The following SPIRE2 variants were observed in gnomAD, a reference collection of about 807,000 sequenced individuals.
The protein encoded by SPIRE2 is spire type actin nucleation factor 2.
Under a neutral mutation model 80.7 loss-of-function variants are expected in SPIRE2, and 76 were observed. The ratio of observed to expected loss-of-function variants is 0.94; its 90% CI spans 0.78 to 1.14. The LOEUF is 1.14. Among genes scored for constraint, SPIRE2 ranks in the 50% most tolerant of loss-of-function variants. The probability of loss-of-function intolerance (pLI) is 0.00; values close to 1 mark genes in which losing one functional copy is unlikely to be tolerated. For synonymous variants in SPIRE2, 535 were observed against 432.6 expected, an observed-to-expected ratio of 1.24 and a Z score of -2.94; for missense variants, 1,196 against 1,015.3, an observed-to-expected ratio of 1.18 and a Z score of -2.42.
At chr16:89,850,761 G>T (rs1207437128) in intron 3 of SPIRE2, 101 bp downstream of exon 3, 3 of 881,900 alleles carry the variant, frequency 3.4e-6, no homozygotes, top group Non-Finnish European at 4.9e-6. Flanking sequence ...TGGACAGAAA[G>T]TCAGGTCGTC....
At chr16:89,851,868 T>G (rs566301823) in intron 3 of SPIRE2, among the ~76,000 whole-genome samples, 1 of 152,202 alleles carries the variant, frequency 6.6e-6, no homozygotes, top group East Asian at 1.9e-4. Flanking sequence ...TTTATGGTGC[T>G]GTGTCTCTCC....
intron 8 of SPIRE2, 119 bp downstream of exon 8, chr16:89,858,626 G>GACA: frequency 1.0e-6 from 1 of 985,220 alleles, no homozygotes; most frequent in Non-Finnish European, 1.4e-6. Context: ...CTGTCCAGGA[G>GACA]CCCTCCCTTG....
chr16:89,849,125 T>C (rs1326045833), intron 2 of SPIRE2, among the ~76,000 whole-genome samples: 1 of 152,148 alleles, frequency 6.6e-6, no homozygotes, highest in Non-Finnish European at 1.5e-5. Flanking sequence ...CAGCAGTGGG[T>C]GGTGGGGAAG....
intron 12 of SPIRE2, among the ~76,000 whole-genome samples, chr16:89,866,843 T>C (rs1183787504): frequency 6.8e-6 from 1 of 147,792 alleles, no homozygotes; most frequent in East Asian, 2.1e-4. Flanking sequence ...TCTCCTGACC[T>C]CGTGATCTGC....
At chr16:89,848,954 C>T (rs2041593687) in intron 2 of SPIRE2, among the ~76,000 whole-genome samples, 2 of 141,554 alleles carry the variant, frequency 1.4e-5, no homozygotes, top group Admixed American at 6.9e-5. Flanking sequence ...AGGCAGGTTC[C>T]AGGGCCTTCT....
intron 5 of SPIRE2, 85 bp from the exon 6 acceptor site, chr16:89,855,515 T>C: frequency 8.1e-7 from 1 of 1,239,540 alleles, no homozygotes; most frequent in Non-Finnish European, 1.2e-6. Context: ...GACCAGGCTG[T>C]CCTTGGGCTG....
At chr16:89,842,926 G>A (rs188269445) in intron 1 of SPIRE2, among the ~76,000 whole-genome samples, 3 of 152,216 alleles carry the variant, frequency 2.0e-5, no homozygotes, top group Non-Finnish European at 4.4e-5. Flanking sequence ...CTTTATCTTT[G>A]GCAATCTTCC....
At position 89,869,702 on chromosome 16, in the gene SPIRE2, G is replaced by A. The variant is rs1289778361; in HGVS notation, c.1922+20G>A. The A allele has an allele frequency of 1.3e-6, 2 of 1,582,160 alleles. No individual in the cohort carries two copies. The highest frequency in any genetic ancestry group is 1.1e-5 in the South Asian group (1 of 90,386). ...CTTTCAGTGCGTTCTTCGCCTTGCT[G>A]CTGATGTCACTGTGGTGGTCGGGCG... On this transcript the variant is annotated intron_variant, in intron 14 of 14. Transcript: ENST00000378247.
chr16:89,869,015 A>T (rs1205365123), intron 13 of SPIRE2, among the ~76,000 whole-genome samples: 1 of 125,802 alleles, frequency 7.9e-6, no homozygotes, highest in Non-Finnish European at 1.6e-5. Context: ...TGGGCAATAG[A>T]GCAAGATCTG....
rs2041830468 is a variant in SPIRE2, at chr16:89,870,458, C to A, written c.*186C>A. On this transcript the variant is annotated 3_prime_UTR_variant, in exon 15 of 15. Coordinates refer to ENST00000378247, the MANE Select transcript of SPIRE2 (RefSeq NM_032451.2). ...ATTTGGGTTCAGGCGCACTTCAAAA[C>A]CCTCCCTGGGGGAGGCTGTTTCTTC... is the stretch of plus-strand genomic sequence containing the variant. 4.8e-5 allele frequency: 26 copies of A among 540,588 alleles called. No individual in the cohort carries two copies. In the South Asian group the frequency reaches 6.3e-4, roughly 13 times the overall value. 33.5% of individuals were successfully genotyped at this position (540,588 alleles called of 1,614,324 possible).
At chr16:89,869,513 T>G (rs1486634774) in intron 13 of SPIRE2, 54 bp from the exon 14 acceptor site, 1 of 1,242,184 alleles carries the variant, frequency 8.1e-7, no homozygotes, top group Non-Finnish European at 1.2e-6. Flanking sequence ...GCACTGAGTG[T>G]ACCTGAATGT....
chr16:89,844,058 C>T (rs1400182373), intron 1 of SPIRE2, among the ~76,000 whole-genome samples: 4 of 150,540 alleles, frequency 2.7e-5, no homozygotes, highest in Non-Finnish European at 5.9e-5. Context: ...TGCACTGGTG[C>T]AATCTTGGCT....
rs1344555513 is a variant in SPIRE2, at chr16:89,858,395, C to A, written c.1160C>A (p.Ser387Tyr). Reference protein sequence around the residue: ...NACSGDAKSTSCINLSVTDAG... With the variant: ...NACSGDAKSTYCINLSVTDAG... ...TGCTCCGGAGATGCCAAGTCCACCT[C>A]CTGCATCAACCTGTCAGTCACAGAT... The change falls in exon 8 of 15, where the codon TCC becomes TAC. Residue 387 changes from serine (S) to tyrosine (Y), a missense_variant. Coordinates refer to ENST00000378247, the MANE Select transcript of SPIRE2 (RefSeq NM_032451.2). The A allele has an allele frequency of 6.2e-7, 1 of 1,612,182 alleles. No individual in the cohort carries two copies. Among genetic ancestry groups the A allele is most frequent in the Non-Finnish European group, 8.5e-7 (1 of 1,179,692 alleles).
At chr16:89,845,756 G>A (rs915768525) in intron 2 of SPIRE2, 8 of 609,022 alleles carry the variant, frequency 1.3e-5, no homozygotes, top group Middle Eastern at 3.8e-4. Flanking sequence ...AACCCCACCC[G>A]ACCAAAACTG....
chr16:89,850,082 C>T (rs1478426551), intron 2 of SPIRE2: 18 of 671,060 alleles, frequency 2.7e-5, no homozygotes, highest in South Asian at 6.2e-5. Flanking sequence ...GTGATCCGCC[C>T]GCCTCGGCCT....
chr16:89,843,686 TTTTTGTTTTTTG>T, intron 1 of SPIRE2, among the ~76,000 whole-genome samples: 2 of 27,142 alleles, frequency 7.4e-5, no homozygotes, highest in East Asian at 6.7e-3. Flanking sequence ...TTTTTGTTTG[TTTTTGTTTTTTG>T]TTTTTTTTTT....
intron 2 of SPIRE2, chr16:89,846,959 T>G (rs558294460): frequency 3.3e-5 from 5 of 151,330 alleles, no homozygotes; most frequent in African/African-American, 9.7e-5. Context: ...TAAAAGTTTT[T>G]CATGCCCAAG....
chr16:89,853,334 T>C (rs2041655174), intron 3 of SPIRE2, among the ~76,000 whole-genome samples: 1 of 152,184 alleles, frequency 6.6e-6, no homozygotes, highest in Non-Finnish European at 1.5e-5. Context: ...GAAACGGCTC[T>C]GTATGCAGGC....
At chr16:89,858,180 C>T (rs1203958897) in intron 7 of SPIRE2, among the ~76,000 whole-genome samples, 158 bp from the exon 8 acceptor site, 1 of 152,166 alleles carries the variant, frequency 6.6e-6, no homozygotes, top group East Asian at 1.9e-4. Flanking sequence ...CCACCGCGCC[C>T]GGCCTAGTTC....
Sources: gnomAD v4.1 joint callset for allele counts (sites outside exome capture counted in the v4.1 genomes callset) on GRCh38, gnomAD v4.1.1 for gene constraint, MANE v1.5 for transcripts, NCBI Gene and HGNC (gene_info 2026-07-23, HGNC 2026-07-21) for gene names.